The following LAMB3 variants were observed in gnomAD, a reference collection of about 807,000 sequenced individuals.
LAMB3 encodes the protein laminin subunit beta-3.
Under a neutral mutation model 140.3 loss-of-function variants are expected in LAMB3, and 104 were observed. The ratio of observed to expected loss-of-function variants is 0.74; its 90% CI spans 0.63 to 0.87. The LOEUF (loss-of-function observed/expected upper bound fraction) is 0.87, where lower values mean the gene tolerates loss of function less well. Ranked by LOEUF, LAMB3 falls within the 40% of genes least tolerant of loss-of-function variation. LAMB3 has a pLI of 0.00. For synonymous variants in LAMB3, 592 were observed against 602.9 expected (o/e 0.98, Z 0.26); for missense variants, 1,531 against 1,575.2 (o/e 0.97, Z 0.47).
intron 3 of LAMB3, among the ~76,000 whole-genome samples, chr1:209,648,408 CTAGA>C (rs965131759): frequency 4.6e-5 from 7 of 152,264 alleles, no homozygotes; most frequent in South Asian, 2.1e-4. Flanking sequence ...TTCCAAAAGG[CTAGA>C]TAAATTTATT....
chr1:209,630,054 T>A (rs1666623580), intron 9 of LAMB3, 129 bp from the exon 10 acceptor site: 1 of 870,500 alleles, frequency 1.1e-6, no homozygotes, highest in East Asian at 2.6e-5. Flanking sequence ...GTGGGGAAAC[T>A]GAGGGCAAGG....
chr1:209,620,702 A>G (rs186372922), intron 18 of LAMB3, among the ~76,000 whole-genome samples: 45 of 152,384 alleles, frequency 3.0e-4, no homozygotes, highest in Non-Finnish European at 5.6e-4. Flanking sequence ...GGAAGTAATA[A>G]GAGTACTTAG....
At chr1:209,635,041 TC>T (rs1225939950) in intron 5 of LAMB3, among the ~76,000 whole-genome samples, 1 of 151,976 alleles carries the variant, frequency 6.6e-6, no homozygotes, top group Admixed American at 6.6e-5. Flanking sequence ...ACCAGAGAGC[TC>T]TTCCTGGGTG....
rs1049032883 is a variant in LAMB3, at chr1:209,617,936, G to A, written c.3022C>T (p.Leu1008Phe). Reference sequence around the variant, plus strand: ...GCAACCCTGTCCTGGATAAGCCGAAGGGAGCGGCTGGTGCCTTGCATGGTG... The same window carrying A: ...GCAACCCTGTCCTGGATAAGCCGAAAGGAGCGGCTGGTGCCTTGCATGGTG... The part of the protein sequence containing the change: ...QDTMQGTSRS[L>F]RLIQDRVAEV... Residue 1008 changes from leucine to phenylalanine, a missense_variant, in exon 20 of 23, where the codon CTT becomes TTT. Transcript: ENST00000356082. The A allele has an allele frequency of 2.5e-6, 4 of 1,614,246 alleles. No individual in the cohort carries two copies. In the Admixed American group the frequency reaches 5.0e-5, roughly 20 times the overall value.
chr1:209,638,085 A>G (rs1228925735), intron 4 of LAMB3, 104 bp from the exon 5 acceptor site: 3 of 942,824 alleles, frequency 3.2e-6, no homozygotes, highest in Non-Finnish European at 3.3e-6. Flanking sequence ...GAAACTCTCT[A>G]ACCTTGATTT....
At chr1:209,644,766 C>G (rs1428938226) in intron 3 of LAMB3, among the ~76,000 whole-genome samples, 1 of 152,228 alleles carries the variant, frequency 6.6e-6, no homozygotes, top group Non-Finnish European at 1.5e-5. Context: ...GCACAGACAT[C>G]TCCAGAAAGA....
rs912391111 is a variant in LAMB3, at chr1:209,623,774, G to A, written c.2138-49C>T. The A allele has an allele frequency of 6.2e-7, 1 of 1,613,568 alleles. No homozygotes were observed. The highest frequency in any genetic ancestry group is 1.6e-4 in the Middle Eastern group (1 of 6,062). ...GGAGATGGAGGAGGAGCAGGAGGGA[G>A]AGGGGGTGGCATGCCCACCACGGCA... On this transcript the variant is annotated intron_variant, in intron 15 of 22. Transcript: ENST00000356082. The surrounding 1 kb of genome is among the most constrained non-coding windows in gnomAD (Gnocchi z 4.2).
At chr1:209,649,858 C>T in intron 3 of LAMB3, 106 bp downstream of exon 3, 3 of 1,280,034 alleles carry the variant, frequency 2.3e-6, no homozygotes, top group Middle Eastern at 1.8e-4. Flanking sequence ...GTGTAGTACA[C>T]AGGGCTTGGC....
chr1:209,638,124 G>T (rs1249581111), intron 4 of LAMB3, 143 bp from the exon 5 acceptor site: 59 of 737,304 alleles, frequency 8.0e-5, no homozygotes, highest in Non-Finnish European at 1.2e-4. Context: ...GAGGAGTGGG[G>T]AGTGGTATGT....
At chr1:209,648,898 A>G (rs984778754) in intron 3 of LAMB3, among the ~76,000 whole-genome samples, 3 of 152,152 alleles carry the variant, frequency 2.0e-5, no homozygotes, top group African/African-American at 7.2e-5. Flanking sequence ...TCAATACTCA[A>G]TACTGCCAGG....
chr1:209,638,875 T>C (rs2102446811), intron 3 of LAMB3, among the ~76,000 whole-genome samples: 1 of 151,568 alleles, frequency 6.6e-6, no homozygotes, highest in South Asian at 2.1e-4. Flanking sequence ...AGCAAGTGAA[T>C]GGTGAATAGA....
In LAMB3 at chr1:209,615,312, G is replaced by A; in HGVS notation, c.3478C>T (p.His1160Tyr). ...LEKRVEQIRD[H>Y]INGRVLYYAT... ...TAGTAGAGCACGCGCCCATTGATGT[G>A]GTCACGGATCTGCTCCACACGCTTC... The change falls in exon 23 of 23, where the codon CAC becomes TAC. Residue 1160 changes from histidine (H) to tyrosine (Y), a missense_variant. Transcript: ENST00000356082. The A allele has an allele frequency of 6.2e-7, 1 of 1,614,114 alleles. No individual in the cohort carries two copies. Among genetic ancestry groups the A allele is most frequent in the Non-Finnish European group, 8.5e-7 (1 of 1,179,992 alleles).
Position 209,623,259 on chromosome 1 carries a change from A to C in LAMB3, c.2359-80T>G. 4 of 1,392,332 alleles carry C rather than the reference A, an allele frequency of 2.9e-6. No homozygotes were observed. The highest frequency in any genetic ancestry group is 3.0e-6 in the Non-Finnish European group (3 of 989,868). The allele number at this position is 1,392,332 out of a possible 1,614,324, so 86.2% of individuals were successfully genotyped here. On this transcript the variant is annotated intron_variant, in intron 16 of 22. Transcript: ENST00000356082. The surrounding 1 kb of genome is among the most constrained non-coding windows in gnomAD (Gnocchi z 4.2). Reference sequence around the variant, plus strand: ...CCCACCCCACACCTGGGAAACCAACAGCCAGACATCTCCATGACAACCAAG... The same window carrying C: ...CCCACCCCACACCTGGGAAACCAACCGCCAGACATCTCCATGACAACCAAG...
At chr1:209,624,876 GAGAGAGGAAGGAAGGA>G (rs1380800322) in intron 14 of LAMB3, among the ~76,000 whole-genome samples, 12 of 113,144 alleles carry the variant, frequency 1.1e-4, no homozygotes, top group African/African-American at 4.1e-4. Context: ...GAAAGAAAGA[GAGAGAGGAAGGAAGGA>G]AGGAAGGAAG....
chr1:209,634,654 C>T lies in LAMB3; in HGVS notation c.373-16G>A. The T allele has an allele frequency of 1.2e-6, 2 of 1,607,168 alleles. No individual in the cohort carries two copies. Among genetic ancestry groups the T allele is most frequent in the Non-Finnish European group, 1.7e-6 (2 of 1,175,960 alleles). ...GCATGGGCCCCTGTGGAGACAGGGG[C>T]AGTGTGCAGAGGGGAGGCACTGGGG... On this transcript the variant is annotated splice_polypyrimidine_tract_variant and intron_variant, in intron 5 of 22. Coordinates refer to ENST00000356082, the MANE Select transcript of LAMB3 (RefSeq NM_000228.3).
intron 14 of LAMB3, 140 bp downstream of exon 14, chr1:209,625,508 T>C (rs1399496060): frequency 1.2e-5 from 13 of 1,129,224 alleles, no homozygotes; most frequent in Non-Finnish European, 1.7e-5. Context: ...AGGACTGTTG[T>C]AATGGTTGAA....
Position 209,627,363 on chromosome 1 carries a change from G to A in LAMB3, c.1485+20C>T, listed in dbSNP as rs199631666. 2.3e-5 allele frequency: 37 copies of A among 1,603,392 alleles called. No homozygotes were observed. In the East Asian group the frequency reaches 3.8e-4, roughly 17 times the overall value. On this transcript the variant is annotated intron_variant, in intron 12 of 22. Transcript: ENST00000356082. ...CCCCCCTCCCACTGAGGGGGCCCCC[G>A]GACCACCCTCACTTCGTACCTGGTT...
intron 20 of LAMB3, 42 bp from the exon 21 acceptor site, chr1:209,617,628 A>T (rs1456770549): frequency 6.2e-7 from 1 of 1,608,548 alleles, no homozygotes; most frequent in Non-Finnish European, 8.5e-7. Flanking sequence ...GGTGGGTCTC[A>T]TAGGTCGGGG....
At position 209,624,018 on chromosome 1, in the gene LAMB3, CT is replaced by C. The variant is rs1469751299; in HGVS notation, c.1977-19del. ...GAGTTCGCCTGAGAAGGGAGAGGAG[CT>C]TACACTAAAATATAGGAGGGAGTTT... is the stretch of plus-strand genomic sequence containing the variant. On this transcript the variant is annotated intron_variant, in intron 14 of 22. Transcript: ENST00000356082. 1 of 1,608,758 alleles carries C rather than the reference CT, an allele frequency of 6.2e-7. No individual in the cohort carries two copies. Among genetic ancestry groups the C allele is most frequent in the Non-Finnish European group, 8.5e-7 (1 of 1,179,346 alleles).
Sources: allele counts gnomAD v4.1 joint callset (sites outside exome capture counted in the v4.1 genomes callset), GRCh38; gene constraint gnomAD v4.1.1; non-coding constraint Gnocchi (gnomAD v3.1); transcripts MANE v1.5; gene names NCBI Gene and HGNC (gene_info 2026-07-23, HGNC 2026-07-21).